The following KCNMA1 variants were observed in gnomAD, a reference collection of about 807,000 sequenced individuals.
KCNMA1 encodes the protein Calcium-activated potassium channel subunit alpha-1.
KCNMA1 carries 29 observed loss-of-function variants against 140.0 expected under a neutral mutation model. That is an observed-to-expected ratio of 0.21 (90% CI 0.15 to 0.28). The LOEUF (loss-of-function observed/expected upper bound fraction) is 0.28, where lower values mean the gene tolerates loss of function less well. Among genes scored for constraint, KCNMA1 ranks in the 10% least tolerant of loss-of-function variants. The probability of loss-of-function intolerance (pLI) is 1.00; values close to 1 mark genes in which losing one functional copy is unlikely to be tolerated. For missense variants in KCNMA1, 880 were observed against 1,602.2 expected (o/e 0.55, Z 7.70); for synonymous variants, 612 against 611.9 (o/e 1.00, Z 0.00).
chr10:77,018,415 T>G (rs1240914128), intron 17 of KCNMA1, among the ~76,000 whole-genome samples: 1 of 152,324 alleles, frequency 6.6e-6, no homozygotes, highest in Admixed American at 6.5e-5. Context: ...TGTGAATTCC[T>G]AGGCTGCTTA....
At chr10:77,341,172 A>G (rs774259317) in intron 2 of KCNMA1, among the ~76,000 whole-genome samples, 1 of 152,238 alleles carries the variant, frequency 6.6e-6, no homozygotes, top group Non-Finnish European at 1.5e-5. Flanking sequence ...TCACTGTAGA[A>G]TGAAGTTGAC....
At chr10:76,937,346 C>T (rs2060826369) in intron 23 of KCNMA1, among the ~76,000 whole-genome samples, 1 of 152,206 alleles carries the variant, frequency 6.6e-6, no homozygotes, top group Non-Finnish European at 1.5e-5. Flanking sequence ...GTCCTCTTTA[C>T]AACATTTTTC....
At chr10:77,194,595 C>T (rs920572621) in intron 3 of KCNMA1, among the ~76,000 whole-genome samples, 8 of 152,096 alleles carry the variant, frequency 5.3e-5, no homozygotes, top group African/African-American at 1.9e-4. Flanking sequence ...TTCTGAGTTC[C>T]GGACTGACAG....
At chr10:77,167,458 C>T (rs1374397397) in intron 5 of KCNMA1, among the ~76,000 whole-genome samples, 5 of 152,072 alleles carry the variant, frequency 3.3e-5, no homozygotes, top group African/African-American at 4.8e-5. Flanking sequence ...TTCATCTTTC[C>T]TATAGTAGGG....
At chr10:77,416,102 C>CA (rs1487540380) in intron 1 of KCNMA1, among the ~76,000 whole-genome samples, 1 of 152,184 alleles carries the variant, frequency 6.6e-6, no homozygotes, top group Non-Finnish European at 1.5e-5. Context: ...CCAAATGCCT[C>CA]ATTCTACAGG....
intron 3 of KCNMA1, among the ~76,000 whole-genome samples, chr10:77,201,362 C>T (rs187955408): frequency 2.6e-5 from 4 of 152,124 alleles, no homozygotes; most frequent in Non-Finnish European, 5.9e-5. Context: ...TGAAGCCAGG[C>T]CAAGTGTACA....
Position 77,400,114 on chromosome 10 carries a change from C to T in KCNMA1, c.540+3748G>A, listed in dbSNP as rs548961703. 3.9e-5 allele frequency among the ~76,000 whole-genome samples: 6 copies of T among 152,350 alleles called. No homozygotes were observed. The South Asian group carries it at 8.3e-4, about 21-fold the overall frequency. The stretch of plus-strand genomic sequence containing the variant: ...ATTGTTGCAGGGATAAACATTTGGA[C>T]GGCTCAAGACAAACACAGCTTTGGG... On this transcript the variant is annotated intron_variant, in intron 2 of 27. Coordinates refer to ENST00000286628, the MANE Select transcript of KCNMA1 (RefSeq NM_001161352.2).
intron 3 of KCNMA1, among the ~76,000 whole-genome samples, chr10:77,240,237 TAAC>T: frequency 6.6e-6 from 1 of 152,228 alleles, no homozygotes; most frequent in Non-Finnish European, 1.5e-5. Context: ...TATGAGCTTC[TAAC>T]AACGTTATTT....
At chr10:77,234,987 A>G (rs2054899144) in intron 3 of KCNMA1, among the ~76,000 whole-genome samples, 1 of 152,162 alleles carries the variant, frequency 6.6e-6, no homozygotes, top group Admixed American at 6.5e-5. Context: ...TGTTCTTTCC[A>G]CTGTTCTCCT....
At chr10:77,022,078 C>G (rs903708352) in intron 16 of KCNMA1, among the ~76,000 whole-genome samples, 2 of 152,172 alleles carry the variant, frequency 1.3e-5, no homozygotes, top group Non-Finnish European at 2.9e-5. Context: ...TGCCTACTAT[C>G]TTTAGAATTC....
intron 2 of KCNMA1, among the ~76,000 whole-genome samples, chr10:77,307,070 T>C (rs549806876): frequency 6.6e-6 from 1 of 152,302 alleles, no homozygotes; most frequent in Admixed American, 6.5e-5. Flanking sequence ...AAAGAACACA[T>C]GAGGTAGAAT....
chr10:76,917,860 T>C (rs2053614075), intron 23 of KCNMA1, among the ~76,000 whole-genome samples: 1 of 152,136 alleles, frequency 6.6e-6, no homozygotes, highest in African/African-American at 2.4e-5. Flanking sequence ...GGTACTGATA[T>C]GGGAAAATTA....
intron 1 of KCNMA1, among the ~76,000 whole-genome samples, chr10:77,500,682 C>CA (rs2154544947): frequency 6.6e-6 from 1 of 152,212 alleles, no homozygotes; most frequent in African/African-American, 2.4e-5. Flanking sequence ...ATCAAATTGT[C>CA]AAAAATAAGA....
chr10:77,438,400 C>T (rs1405168394), intron 1 of KCNMA1, among the ~76,000 whole-genome samples: 1 of 151,934 alleles, frequency 6.6e-6, no homozygotes, highest in Non-Finnish European at 1.5e-5. Context: ...CCCGTCTCTA[C>T]TAAAAATACA....
chr10:76,880,528 CTG>C (rs1350084561), downstream of KCNMA1, among the ~76,000 whole-genome samples: 1 of 152,172 alleles, frequency 6.6e-6, no homozygotes, highest in African/African-American at 2.4e-5. Context: ...TATGAATGCT[CTG>C]GGCGTTTTAC....
chr10:77,055,324 C>T (rs2095504977), intron 14 of KCNMA1, among the ~76,000 whole-genome samples: 1 of 151,788 alleles, frequency 6.6e-6, no homozygotes, highest in Non-Finnish European at 1.5e-5. Flanking sequence ...CTAGCCTGAC[C>T]TCGAGGCAGC....
chr10:77,072,717 G>C (rs2096259137), intron 14 of KCNMA1, among the ~76,000 whole-genome samples: 1 of 152,182 alleles, frequency 6.6e-6, no homozygotes, highest in African/African-American at 2.4e-5. Flanking sequence ...CACACAGTGA[G>C]AGGTCCACCA....
intron 1 of KCNMA1, among the ~76,000 whole-genome samples, chr10:77,421,854 C>T (rs757423866): frequency 7.9e-5 from 12 of 152,142 alleles, no homozygotes; most frequent in Admixed American, 4.6e-4. Flanking sequence ...TCTCACAAGG[C>T]GGTTCATAAA....
At chr10:77,268,698 C>T (rs931724798) in intron 2 of KCNMA1, among the ~76,000 whole-genome samples, 6 of 152,068 alleles carry the variant, frequency 3.9e-5, no homozygotes, top group African/African-American at 7.2e-5. Flanking sequence ...ACATGGGGTT[C>T]GAATGTGTCA....
Sources: allele counts gnomAD v4.1 joint callset (sites outside exome capture counted in the v4.1 genomes callset), GRCh38; gene constraint gnomAD v4.1.1; transcripts MANE v1.5; gene names NCBI Gene and HGNC (gene_info 2026-07-23, HGNC 2026-07-21).